The following SPATA1 variants were observed in gnomAD, a reference collection of about 807,000 sequenced individuals.
SPATA1 encodes the protein spermatogenesis associated 1, also known as spermatogenesis-associated protein 1.
SPATA1 carries 57 observed loss-of-function variants against 59.6 expected under a neutral mutation model. The ratio of observed to expected loss-of-function variants is 0.96; its 90% CI spans 0.77 to 1.19. The LOEUF is 1.19. Among genes scored for constraint, SPATA1 ranks in the 50% most tolerant of loss-of-function variants. The pLI is 0.00. For synonymous variants in SPATA1, 147 were observed against 163.9 expected, an observed-to-expected ratio of 0.90 and a Z score of 0.79; for missense variants, 448 against 480.7, an observed-to-expected ratio of 0.93 and a Z score of 0.64.
downstream of SPATA1, among the ~76,000 whole-genome samples, chr1:84,566,640 C>CT (rs1303994334): frequency 6.6e-6 from 1 of 152,042 alleles, no homozygotes; most frequent in Non-Finnish European, 1.5e-5. Flanking sequence ...TATTATCTTT[C>CT]TTTTTTGGGG....
At chr1:84,523,504 T>A (rs1170406377) in intron 4 of SPATA1, among the ~76,000 whole-genome samples, 1 of 152,204 alleles carries the variant, frequency 6.6e-6, no homozygotes, top group East Asian at 1.9e-4. Context: ...TATAGGTCCT[T>A]GTGGGGAGGG....
chr1:84,543,386 A>G (rs925047065), intron 8 of SPATA1, among the ~76,000 whole-genome samples: 2 of 152,176 alleles, frequency 1.3e-5, no homozygotes, highest in African/African-American at 4.8e-5. Flanking sequence ...TTTATAAAGA[A>G]AAGAGGTTTA....
chr1:84,548,750 C>CTTTTTTTTTTTTTTTTTTTTTT (rs56250726), intron 10 of SPATA1, 36 bp from the exon 11 acceptor site: 1 of 820,214 alleles, frequency 1.2e-6, no homozygotes, highest in Non-Finnish European at 1.5e-6. Flanking sequence ...AAGGCCTTTC[C>CTTTTTTTTTTTTTTTTTTTTTT]TTTTTTTTTT....
downstream of SPATA1, chr1:84,555,054 T>C: frequency 2.5e-6 from 4 of 1,614,038 alleles, no homozygotes; most frequent in Non-Finnish European, 3.4e-6. Context: ...AGTTTGCTGT[T>C]TGGCTACAGC....
At chr1:84,512,697 A>G (rs1346438571) in intron 1 of SPATA1, among the ~76,000 whole-genome samples, 1 of 152,338 alleles carries the variant, frequency 6.6e-6, no homozygotes, top group East Asian at 1.9e-4. Context: ...CAGATAGGTG[A>G]TACATCTACC....
intron 4 of SPATA1, among the ~76,000 whole-genome samples, chr1:84,561,831 T>C (rs2102023116): frequency 6.6e-6 from 1 of 152,352 alleles, no homozygotes; most frequent in Admixed American, 6.5e-5. Context: ...AATTAAGGTA[T>C]GTACTTTTTT....
At chr1:84,566,648 G>T (rs747411741), downstream of SPATA1, among the ~76,000 whole-genome samples, 4 of 151,868 alleles carry the variant, frequency 2.6e-5, no homozygotes, top group African/African-American at 4.8e-5. Flanking sequence ...TTCTTTTTTG[G>T]GGGGGATGGA....
At chr1:84,560,159 G>C (rs962101202) in intron 4 of SPATA1, among the ~76,000 whole-genome samples, 3 of 150,558 alleles carry the variant, frequency 2.0e-5, no homozygotes, top group Non-Finnish European at 3.0e-5. Flanking sequence ...AGAGAAACTA[G>C]AATCCCTCTT....
chr1:84,533,667 G>T, intron 7 of SPATA1, 42 bp from the exon 8 acceptor site: 1 of 1,390,568 alleles, frequency 7.2e-7, no homozygotes, highest in South Asian at 1.3e-5. Flanking sequence ...ATATTCATGG[G>T]ATCATGTTTT....
rs533076464 is a variant in SPATA1 at position 84,543,243 on chromosome 1, T to C, written c.718-959T>C. ...AAACTAATGAGGTACCGAAGCATAA[T>C]TGAAAACAATTCAAGATCGATAAAG... On this transcript the variant is annotated intron_variant, in intron 8 of 12. Transcript: ENST00000490879. 1.6e-4 allele frequency among the ~76,000 whole-genome samples: 24 copies of C among 152,198 alleles called. No homozygotes were observed. In the South Asian group the frequency reaches 1.7e-3, roughly 11 times the overall value.
chr1:84,522,313 G>T, intron 3 of SPATA1, 77 bp from the exon 4 acceptor site: 1 of 773,114 alleles, frequency 1.3e-6, no homozygotes, highest in South Asian at 3.7e-5. Flanking sequence ...TGAGATAGCT[G>T]ACTAAAGTTA....
intron 8 of SPATA1, among the ~76,000 whole-genome samples, chr1:84,538,630 T>C (rs909968051): frequency 6.6e-6 from 1 of 152,160 alleles, no homozygotes; most frequent in Non-Finnish European, 1.5e-5. Flanking sequence ...TGGACCTTTT[T>C]TGGAATTTGT....
chr1:84,538,439 G>A (rs2101986156), intron 8 of SPATA1, among the ~76,000 whole-genome samples: 1 of 152,274 alleles, frequency 6.6e-6, no homozygotes, highest in South Asian at 2.1e-4. Context: ...TGATAAACAG[G>A]AAATACCAAA....
intron 4 of SPATA1, 97 bp from the exon 14 acceptor site, chr1:84,565,764 T>C: frequency 1.2e-6 from 1 of 827,802 alleles, no homozygotes; most frequent in Non-Finnish European, 1.6e-6. Context: ...AACTTAGAAA[T>C]ACTAAAAACA....
intron 10 of SPATA1, among the ~76,000 whole-genome samples, chr1:84,546,389 C>T (rs937194026): frequency 2.9e-5 from 4 of 138,932 alleles, no homozygotes; most frequent in East Asian, 2.2e-4. Context: ...AACCCAGAGG[C>T]GGAAGTTGCA....
exon 5 of SPATA1, chr1:84,566,066 G>A (rs1004722677): frequency 2.1e-4 from 239 of 1,130,982 alleles, no homozygotes; most frequent in Middle Eastern, 1.4e-3. Flanking sequence ...TGCATATTAC[G>A]TCAGATTTTT....
chr1:84,528,527 AGTCAACCATACCTATTTATTTTCATT>A (rs1683327360), intron 6 of SPATA1, among the ~76,000 whole-genome samples: 1 of 152,230 alleles, frequency 6.6e-6, no homozygotes, highest in Non-Finnish European at 1.5e-5. Context: ...ACATTGTAAG[AGTCAACCATACCTATTTATTTTCATT>A]GTTGTGCTAT....
intron 12 of SPATA1, chr1:84,552,197 A>C (rs1684294280): frequency 6.6e-6 from 1 of 152,188 alleles, no homozygotes; most frequent in Admixed American, 6.5e-5. Context: ...GGACAAAAAA[A>C]ACCCAGCCTG....
downstream of SPATA1, among the ~76,000 whole-genome samples, chr1:84,558,688 G>A (rs1310794118): frequency 6.6e-6 from 1 of 151,654 alleles, no homozygotes; most frequent in Non-Finnish European, 1.5e-5. Flanking sequence ...ATCACTTGAG[G>A]CCAGGAGTTC....
Sources: gnomAD v4.1 joint callset for allele counts (sites outside exome capture counted in the v4.1 genomes callset) on GRCh38, gnomAD v4.1.1 for gene constraint, MANE v1.5 for transcripts, NCBI Gene and HGNC (gene_info 2026-07-23, HGNC 2026-07-21) for gene names.